Variants in DTNA observed in about 807,000 individuals in gnomAD.
The protein encoded by DTNA is dystrophin-related protein 3.
Under a neutral mutation model 100.7 loss-of-function variants are expected in DTNA, and 43 were observed. The observed-to-expected ratio is 0.43, with a 90% CI of 0.33 to 0.55. The LOEUF is 0.55. Ranked by LOEUF, DTNA falls within the 20% of genes least tolerant of loss-of-function variation. The pLI is 0.04. For synonymous variants in DTNA, 349 were observed against 347.9 expected (o/e 1.00, Z -0.04); for missense variants, 798 against 953.9 (o/e 0.84, Z 2.15).
At chr18:34,672,335 T>C (rs1280679391) in intron 1 of DTNA, among the ~76,000 whole-genome samples, 1 of 152,170 alleles carries the variant, frequency 6.6e-6, no homozygotes, top group African/African-American at 2.4e-5. Context: ...AAATACACAA[T>C]GAGACTCACT....
Position 34,618,143 on chromosome 18 carries a change from A to T in DTNA, c.-2+124629A>T, listed in dbSNP as rs189178566. On this transcript the variant is annotated intron_variant, in intron 1 of 19. Coordinates refer to the DTNA transcript ENST00000283365. ...GAAGAGGAAACCACAGTCTAGAGAGATTAACTTTGTCCAAGAGTACAAGGG... is the reference window on the plus strand; with the variant it reads ...GAAGAGGAAACCACAGTCTAGAGAGTTTAACTTTGTCCAAGAGTACAAGGG... 1.8e-4 allele frequency among the ~76,000 whole-genome samples: 28 copies of T among 152,290 alleles called. No homozygotes were observed. In the East Asian group the frequency reaches 2.3e-3, roughly 13 times the overall value.
intron 17 of DTNA, chr18:34,868,813 TTG>T: frequency 1.0e-6 from 1 of 960,862 alleles, no homozygotes; most frequent in Non-Finnish European, 1.2e-6. Context: ...AAAACTTGAA[TTG>T]AAGTTATCCT....
chr18:34,758,434 G>C lies in DTNA; in HGVS notation c.67+2391G>C, dbSNP rs530310297. On this transcript the variant is annotated intron_variant, in intron 2 of 22. Transcript: ENST00000444659. ...TTTTATCCAAGACTATTGCAACAAG[G>C]GAGAAAGACTGAACTCAACTTCCCT... is the stretch of plus-strand genomic sequence containing the variant. Among the ~76,000 whole-genome samples the C allele has an allele frequency of 9.2e-5, 14 of 152,318 alleles. 1 individual carries two copies. The South Asian group carries it at 2.9e-3, about 32-fold the overall frequency.
intron 1 of DTNA, among the ~76,000 whole-genome samples, chr18:34,645,693 T>C (rs948711225): frequency 3.3e-5 from 5 of 152,126 alleles, no homozygotes; most frequent in African/African-American, 1.2e-4. Context: ...ATGAATATTA[T>C]TGAAGTAAAT....
intron 1 of DTNA, among the ~76,000 whole-genome samples, chr18:34,627,981 G>A (rs1026428491): frequency 4.6e-5 from 7 of 152,060 alleles, no homozygotes; most frequent in African/African-American, 1.7e-4. Flanking sequence ...GGTAGAGATG[G>A]GATCTCACTG....
At chr18:34,686,780 G>T (rs542317053) in intron 1 of DTNA, among the ~76,000 whole-genome samples, 46 of 151,890 alleles carry the variant, frequency 3.0e-4, no homozygotes, top group African/African-American at 1.1e-3. Context: ...GGTTTCTGTT[G>T]GTGGTGGTGG....
intron 3 of DTNA, among the ~76,000 whole-genome samples, chr18:34,770,343 T>C (rs1032898175): frequency 6.6e-6 from 1 of 152,204 alleles, no homozygotes; most frequent in African/African-American, 2.4e-5. Context: ...GTTGTAAAAC[T>C]ATCACCTAGA....
At chr18:34,504,309 T>C (rs533619848) in intron 1 of DTNA, among the ~76,000 whole-genome samples, 1 of 152,302 alleles carries the variant, frequency 6.6e-6, no homozygotes, top group South Asian at 2.1e-4. Context: ...ATTTATAATA[T>C]GATTGTCTTA....
At chr18:34,831,507 C>G (rs996410049) in intron 11 of DTNA, among the ~76,000 whole-genome samples, 1 of 152,210 alleles carries the variant, frequency 6.6e-6, no homozygotes, top group Non-Finnish European at 1.5e-5. Flanking sequence ...GTGGCTCACG[C>G]CTGTAATCCC....
chr18:34,530,137 T>C (rs1601533807), intron 1 of DTNA, among the ~76,000 whole-genome samples: 2 of 152,188 alleles, frequency 1.3e-5, no homozygotes, highest in South Asian at 2.1e-4. Flanking sequence ...CTGATACAGA[T>C]GAGCTGGTCA....
At chr18:34,770,034 A>T (rs1393283883) in intron 3 of DTNA, among the ~76,000 whole-genome samples, 1 of 151,932 alleles carries the variant, frequency 6.6e-6, no homozygotes, top group East Asian at 1.9e-4. Context: ...GGCCTCTTTT[A>T]TAAGGGCACT....
chr18:34,772,892 G>A (rs915011326), intron 3 of DTNA, among the ~76,000 whole-genome samples: 2 of 152,180 alleles, frequency 1.3e-5, no homozygotes, highest in Admixed American at 6.5e-5. Context: ...TCTCTTCTAA[G>A]TGCATTCATT....
chr18:34,773,997 T>C (rs1296959305), intron 3 of DTNA, among the ~76,000 whole-genome samples: 3 of 152,212 alleles, frequency 2.0e-5, no homozygotes, highest in African/African-American at 7.2e-5. Flanking sequence ...ACCTGTAGTC[T>C]CGTTTCCAGG....
chr18:34,627,789 A>G (rs961040867), intron 1 of DTNA, among the ~76,000 whole-genome samples: 2 of 152,158 alleles, frequency 1.3e-5, no homozygotes, highest in African/African-American at 4.8e-5. Flanking sequence ...TCTCTTTTGA[A>G]TGTGTGCTAA....
At chr18:34,566,008 G>A (rs2047050371) in intron 1 of DTNA, among the ~76,000 whole-genome samples, 1 of 152,198 alleles carries the variant, frequency 6.6e-6, no homozygotes, top group South Asian at 2.1e-4. Context: ...CAAGCACTCA[G>A]TGACTGTGGG....
intron 1 of DTNA, among the ~76,000 whole-genome samples, chr18:34,702,741 C>G (rs1265390217): frequency 6.6e-6 from 1 of 152,170 alleles, no homozygotes; most frequent in Non-Finnish European, 1.5e-5. Flanking sequence ...TCCTCCACCT[C>G]TGTCTTCCAG....
intron 1 of DTNA, among the ~76,000 whole-genome samples, chr18:34,500,420 A>G (rs968532164): frequency 1.3e-5 from 2 of 148,762 alleles, no homozygotes; most frequent in African/African-American, 5.0e-5. Flanking sequence ...TCACTTATTA[A>G]TTCTATGTGT....
At chr18:34,723,797 G>A (rs2085935946) in intron 1 of DTNA, among the ~76,000 whole-genome samples, 1 of 152,056 alleles carries the variant, frequency 6.6e-6, no homozygotes, top group Admixed American at 6.6e-5. Context: ...TACTCAGGAG[G>A]CTGAGACAGG....
intron 1 of DTNA, among the ~76,000 whole-genome samples, chr18:34,501,750 C>A (rs2039950336): frequency 6.6e-6 from 1 of 152,122 alleles, no homozygotes; most frequent in Non-Finnish European, 1.5e-5. Context: ...AGTCCAAGGT[C>A]ATGGAGTTGG....
Sources: gnomAD v4.1 joint callset for allele counts (sites outside exome capture counted in the v4.1 genomes callset) on GRCh38, gnomAD v4.1.1 for gene constraint, MANE v1.5 for transcripts, NCBI Gene and HGNC (gene_info 2026-07-23, HGNC 2026-07-21) for gene names.